Variants in FAM83F observed in about 807,000 individuals in gnomAD.
FAM83F encodes the protein scaffolding CK1 anchoring protein F, also known as protein FAM83F.
A neutral mutation model predicts 42.9 loss-of-function variants in FAM83F; 45 were observed. The observed-to-expected ratio is 1.05, with a 90% CI of 0.83 to 1.35. The LOEUF (loss-of-function observed/expected upper bound fraction) is 1.35, where lower values mean the gene tolerates loss of function less well. Ranked by LOEUF, FAM83F falls within the 40% of genes most tolerant of loss-of-function variation. The pLI is 0.00. For missense variants in FAM83F, 617 were observed against 695.9 expected, an observed-to-expected ratio of 0.89 and a Z score of 1.28; for synonymous variants, 306 against 298.3, an observed-to-expected ratio of 1.03 and a Z score of -0.27.
At chr22:40,008,196 C>T (rs1409370918) in intron 1 of FAM83F, among the ~76,000 whole-genome samples, 1 of 152,234 alleles carries the variant, frequency 6.6e-6, no homozygotes. Context: ...GCAGGGCCTG[C>T]TGGGCACGGC....
chr22:40,026,245 G>C (rs1322573208), intron 4 of FAM83F, among the ~76,000 whole-genome samples: 1 of 152,222 alleles, frequency 6.6e-6, no homozygotes, highest in Non-Finnish European at 1.5e-5. Flanking sequence ...TTTGGGCCCG[G>C]CGTGGTGGCT....
In FAM83F at chr22:40,036,078, A is replaced by G. The variant is rs781144354; in HGVS notation, c.*6513A>G. The G allele has an allele frequency of 6.6e-6, 1 of 152,000 alleles. No individual in the cohort carries two copies. The highest frequency in any genetic ancestry group is 2.1e-4 in the South Asian group (1 of 4,818). 9.4% of individuals were successfully genotyped at this position (152,000 alleles called of 1,614,324 possible). On this transcript the variant is annotated 3_prime_UTR_variant, in exon 5 of 5. Transcript: ENST00000333407. Reference sequence around the variant, plus strand: ...ACCCAGGCTGGAGTGCAGTGGCGTAATCATGGCTTCCTGCAGCCTCAAACT... The same window carrying G: ...ACCCAGGCTGGAGTGCAGTGGCGTAGTCATGGCTTCCTGCAGCCTCAAACT...
chr22:40,013,082 C>CAAAAAAAAAAAAAA (rs754625979), intron 1 of FAM83F, among the ~76,000 whole-genome samples: 1 of 46,408 alleles, frequency 2.2e-5, no homozygotes, highest in Non-Finnish European at 3.8e-5. Flanking sequence ...GACTCCGTTT[C>CAAAAAAAAAAAAAA]AAAAAAAAAA....
chr22:40,019,143 C>T (rs1474123938), intron 1 of FAM83F, 25 bp from the exon 2 acceptor site: 3 of 1,611,806 alleles, frequency 1.9e-6, no homozygotes, highest in Non-Finnish European at 2.5e-6. Flanking sequence ...CACCGTGTGC[C>T]TCACCAGTGC....
At chr22:40,028,293 C>G (rs894550491) in intron 4 of FAM83F, among the ~76,000 whole-genome samples, 1 of 152,218 alleles carries the variant, frequency 6.6e-6, no homozygotes, top group African/African-American at 2.4e-5. Context: ...GGAGCAGCAG[C>G]CTGTGTGGCA....
At chr22:40,007,420 TC>T (rs2067437733) in intron 1 of FAM83F, among the ~76,000 whole-genome samples, 1 of 33,904 alleles carries the variant, frequency 2.9e-5, no homozygotes, top group Non-Finnish European at 5.6e-5. Flanking sequence ...CCTCCTGTCC[TC>T]CTCCTCTCCT....
rs557710021 is a variant in FAM83F, at chr22:40,041,586, T to C, written c.*12021T>C. On this transcript the variant is annotated 3_prime_UTR_variant, in exon 5 of 5. Coordinates refer to ENST00000333407, the MANE Select transcript of FAM83F (RefSeq NM_138435.4). ...ATAAATATTTGATTGACAGATTGGCTTCCTTCCTATAAGTATAGAAAGCGA... is the reference window on the plus strand; with the variant it reads ...ATAAATATTTGATTGACAGATTGGCCTCCTTCCTATAAGTATAGAAAGCGA... The C allele has an allele frequency of 2.0e-5, 3 of 152,252 alleles. No homozygotes were observed. The highest frequency in any genetic ancestry group is 7.2e-5 in the African/African-American group (3 of 41,540). 9.4% of individuals were successfully genotyped at this position (152,252 alleles called of 1,614,324 possible).
chr22:40,027,817 C>T (rs1048030144), intron 4 of FAM83F, among the ~76,000 whole-genome samples: 3 of 152,204 alleles, frequency 2.0e-5, no homozygotes, highest in Non-Finnish European at 2.9e-5. Flanking sequence ...GGCAGCCAGC[C>T]GGGTGGTGTG....
chr22:40,014,991 C>G (rs898413627), intron 1 of FAM83F, among the ~76,000 whole-genome samples: 1 of 152,162 alleles, frequency 6.6e-6, no homozygotes, highest in African/African-American at 2.4e-5. Context: ...CTAGAGTGCA[C>G]TGAAAGTATT....
chr22:40,025,858 G>A (rs1056569270), intron 4 of FAM83F, among the ~76,000 whole-genome samples: 2 of 152,166 alleles, frequency 1.3e-5, no homozygotes, highest in Non-Finnish European at 2.9e-5. Flanking sequence ...AGCCGACTCC[G>A]TGGCGACTGA....
At chr22:40,016,111 G>C (rs374743980) in intron 1 of FAM83F, among the ~76,000 whole-genome samples, 17 of 152,122 alleles carry the variant, frequency 1.1e-4, no homozygotes, top group African/African-American at 3.6e-4. Flanking sequence ...ATCAGGAGAG[G>C]GGGGGACAAC....
At chr22:40,004,718 G>T (rs1382168573) in intron 1 of FAM83F, among the ~76,000 whole-genome samples, 1 of 152,224 alleles carries the variant, frequency 6.6e-6, no homozygotes, top group African/African-American at 2.4e-5. Context: ...GATTACAGGC[G>T]TGAGCCACCG....
At chr22:40,025,069 C>T (rs956209931) in intron 4 of FAM83F, among the ~76,000 whole-genome samples, 18 of 152,166 alleles carry the variant, frequency 1.2e-4, no homozygotes, top group African/African-American at 4.3e-4. Context: ...TCCGCACAGG[C>T]TCCCTGGGTC....
rs2067632567 is a variant in FAM83F, at chr22:40,037,598, C to T, written c.*8033C>T. 1 of 152,202 alleles carries T rather than the reference C, an allele frequency of 6.6e-6. No individual in the cohort carries two copies. The highest frequency in any genetic ancestry group is 2.1e-4 in the South Asian group (1 of 4,830). The allele number at this position is 152,202 out of a possible 1,614,324, so 9.4% of individuals were successfully genotyped here. ...ACTAGTCTCACTCCTCCAACCAGAC[C>T]GCTGCCACTAAGGCTTCTTCTGAAC... On this transcript the variant is annotated 3_prime_UTR_variant, in exon 5 of 5. Transcript: ENST00000333407.
intron 1 of FAM83F, among the ~76,000 whole-genome samples, chr22:40,000,760 C>A (rs968620390): frequency 3.9e-5 from 6 of 152,312 alleles, no homozygotes; most frequent in African/African-American, 1.4e-4. Flanking sequence ...TTCCTGCCTC[C>A]CTCTTTTCTC....
Position 39,995,128 on chromosome 22 carries a change from A to G in FAM83F, c.86A>G (p.Glu29Gly). Residue 29 changes from glutamate to glycine, a missense_variant, in exon 1 of 5, where the codon GAG becomes GGG. By Grantham distance (98) the Glu-to-Gly change is moderately conservative (BLOSUM62 -2). Coordinates refer to ENST00000333407, the MANE Select transcript of FAM83F (RefSeq NM_138435.4). The surrounding 1 kb of genome is among the most constrained non-coding windows in gnomAD (Gnocchi z 4.6). ...TEAQAAFYYC[E>G]RRRAALEALL... Reference sequence around the variant, plus strand: ...GCGCAGGCCGCCTTCTACTACTGCGAGCGGCGGCGGGCCGCGCTGGAGGCG... The same window carrying G: ...GCGCAGGCCGCCTTCTACTACTGCGGGCGGCGGCGGGCCGCGCTGGAGGCG... 1.5e-6 allele frequency: 2 copies of G among 1,373,718 alleles called. No homozygotes were observed. Among genetic ancestry groups the G allele is most frequent in the South Asian group, 1.7e-5 (1 of 57,244 alleles). The allele number at this position is 1,373,718 out of a possible 1,614,324, so 85.1% of individuals were successfully genotyped here.
chr22:40,013,238 A>G (rs939422009), intron 1 of FAM83F, among the ~76,000 whole-genome samples: 1 of 152,088 alleles, frequency 6.6e-6, no homozygotes, highest in Non-Finnish European at 1.5e-5. Flanking sequence ...TATTAGTTAT[A>G]TCTTTCACAT....
chr22:40,015,649 T>G lies in FAM83F; in HGVS notation c.490-3519T>G, dbSNP rs201390118. Among the ~76,000 whole-genome samples the G allele has an allele frequency of 3.6e-4, 55 of 152,188 alleles. 1 individual carries two copies. In the East Asian group the frequency reaches 5.2e-3, roughly 14 times the overall value. ...AGCCCAGACAACCTCCCTGCTCAAT[T>G]TTTCTCCTGTTCCTTTCTCTGGGTG... is the stretch of plus-strand genomic sequence containing the variant. On this transcript the variant is annotated intron_variant, in intron 1 of 4. Coordinates refer to ENST00000333407, the MANE Select transcript of FAM83F (RefSeq NM_138435.4).
In FAM83F at chr22:40,021,457, C is replaced by T; in HGVS notation, c.947C>T (p.Ser316Phe). 1.2e-6 allele frequency: 2 copies of T among 1,610,108 alleles called. No individual in the cohort carries two copies. Among genetic ancestry groups the T allele is most frequent in the Non-Finnish European group, 1.7e-6 (2 of 1,177,200 alleles). ...GGCAGGGTTGGCCTCCATTACTCCT[C>T]CACTGTGGCTCGAAAGCTTATCAAC... ...LAGRVGLHYS[S>F]TVARKLINPK... Residue 316 changes from serine to phenylalanine, a missense_variant, in exon 4 of 5, where the codon TCC becomes TTC. Ser to Phe is a radical substitution (Grantham distance 155). Coordinates refer to ENST00000333407, the MANE Select transcript of FAM83F (RefSeq NM_138435.4). This position sits in a 1 kb window ranked among gnomAD's most constrained non-coding sequence, Gnocchi z 8.7.
Sources: allele counts gnomAD v4.1 joint callset (sites outside exome capture counted in the v4.1 genomes callset), GRCh38; gene constraint gnomAD v4.1.1; non-coding constraint Gnocchi (gnomAD v3.1); transcripts MANE v1.5; gene names NCBI Gene and HGNC (gene_info 2026-07-23, HGNC 2026-07-21).